The following LAMA4 variants were observed in gnomAD, a reference collection of about 807,000 sequenced individuals.
LAMA4 encodes the protein laminin subunit alpha 4, also known as laminin subunit alpha-4.
LAMA4 carries 127 observed loss-of-function variants against 207.1 expected under a neutral mutation model. The ratio of observed to expected loss-of-function variants is 0.61; its 90% CI spans 0.53 to 0.71. LAMA4 has a LOEUF of 0.71. Among genes scored for constraint, LAMA4 ranks in the 30% least tolerant of loss-of-function variants. The probability of loss-of-function intolerance (pLI) is 0.00; values close to 1 mark genes in which losing one functional copy is unlikely to be tolerated. For synonymous variants in LAMA4, 761 were observed against 816.0 expected (o/e 0.93, Z 1.15); for missense variants, 2,093 against 2,246.5 (o/e 0.93, Z 1.38).
rs578059540 is a variant in LAMA4 at position 112,235,774 on chromosome 6, A to G, written c.195+18182T>C. 7.2e-5 allele frequency among the ~76,000 whole-genome samples: 11 copies of G among 152,318 alleles called. No homozygotes were observed. In the South Asian group the frequency reaches 2.3e-3, roughly 32 times the overall value. Reference sequence around the variant, plus strand: ...GCCGGAAATTCTGAAATTTTAATGCACTTGAATGCTTACTTTCTAAGTATA... The same window carrying G: ...GCCGGAAATTCTGAAATTTTAATGCGCTTGAATGCTTACTTTCTAAGTATA... On this transcript the variant is annotated intron_variant, in intron 2 of 38. Transcript: ENST00000230538.
intron 16 of LAMA4, among the ~76,000 whole-genome samples, chr6:112,150,937 G>T (rs1780363388): frequency 6.6e-6 from 1 of 151,826 alleles, no homozygotes; most frequent in Admixed American, 6.6e-5. Context: ...GAGCTGAAAA[G>T]AAAAAAATCT....
rs781924741 is a variant in LAMA4 at position 112,141,418 on chromosome 6, G to A, written c.2753C>T (p.Pro918Leu). 6.2e-7 allele frequency: 1 copy of A among 1,613,534 alleles called. No individual in the cohort carries two copies. Among genetic ancestry groups the A allele is most frequent in the Non-Finnish European group, 8.5e-7 (1 of 1,179,596 alleles). The change falls in exon 21 of 39, where the codon CCC (proline) becomes CTC (leucine). Residue 918 changes from proline to leucine, a missense_variant. Physicochemically the swap from Pro to Leu is moderately conservative, Grantham distance 98. Coordinates refer to ENST00000230538, the MANE Select transcript of LAMA4 (RefSeq NM_001105206.3). The stretch of plus-strand genomic sequence containing the variant: ...GGAACTGACGGGCTTGGAGTCCAGG[G>A]GAATCTCCACATCTTTAGTTCCCAA... ...YNLGTKDVEI[P>L]LDSKPVSSWP... is the part of the protein sequence containing the mutation.
rs35042032 is a variant in LAMA4, at chr6:112,129,036, A to G, written c.4173T>C (p.Tyr1391=). 5,685 of 1,612,932 alleles carry G rather than the reference A, an allele frequency of 3.5e-3. 138 individuals are homozygous for G. The African/African-American group carries it at 0.06, about 17-fold the overall frequency. The change falls in exon 31 of 39, where the codon TAT becomes TAC. Residue 1391 remains tyrosine, a synonymous_variant. Transcript: ENST00000230538. ...RDVEVEDFQR[Y]TEKVHTSLYE... is the part of the protein sequence containing the mutation. ...AAAGAGAAGTGTGGACCTTTTCAGTATACCGTTGGAAATCTTCAACCTCCA... is the reference window on the plus strand; with the variant it reads ...AAAGAGAAGTGTGGACCTTTTCAGTGTACCGTTGGAAATCTTCAACCTCCA...
chr6:112,253,937 A>AATGGCAGG lies in LAMA4; in HGVS notation c.195+11_195+18dup. On this transcript the variant is annotated intron_variant, in intron 2 of 38. Coordinates refer to ENST00000230538, the MANE Select transcript of LAMA4 (RefSeq NM_001105206.3). ...GGCGCAGGTGCCCCAGCAGGGTGGC[A>AATGGCAGG]ATGGCAGGGACACTGTACCTCGGCC... is the stretch of plus-strand genomic sequence containing the variant. 1.2e-6 allele frequency: 2 copies of AATGGCAGG among 1,607,234 alleles called. No individual in the cohort carries two copies. Among genetic ancestry groups the AATGGCAGG allele is most frequent in the Non-Finnish European group, 1.7e-6 (2 of 1,176,312 alleles).
chr6:112,249,220 G>T (rs1787237798), intron 2 of LAMA4, among the ~76,000 whole-genome samples: 1 of 152,022 alleles, frequency 6.6e-6, no homozygotes, highest in African/African-American at 2.4e-5. Context: ...CGAGGCGGGT[G>T]GATCATAAGG....
chr6:112,191,154 G>A (rs112004601), intron 6 of LAMA4, among the ~76,000 whole-genome samples: 4,732 of 151,742 alleles, frequency 0.031, 238 homozygotes, highest in African/African-American at 0.11. Context: ...GCTAATTTTT[G>A]TATTTTTAGT....
chr6:112,226,890 A>G (rs1554362694), intron 2 of LAMA4, among the ~76,000 whole-genome samples: 2 of 152,184 alleles, frequency 1.3e-5, no homozygotes, highest in East Asian at 1.9e-4. Context: ...ATTTTAAAAC[A>G]TGCAAAATAA....
rs782106708 is a variant in LAMA4, at chr6:112,172,797, G to A, written c.1365C>T (p.Ser455=). The change falls in exon 12 of 39, where the codon AGC becomes AGT. Residue 455 remains serine, a synonymous_variant. Coordinates refer to ENST00000230538, the MANE Select transcript of LAMA4 (RefSeq NM_001105206.3). ...EEADEAYELL[S]QAESWQRLHN... ...GCAGCCGCTGCCAGCTCTCAGCCTG[G>A]CTCAGTACTGGGAAGAAATGGAGAT... is the stretch of plus-strand genomic sequence containing the variant. 2.5e-6 allele frequency: 4 copies of A among 1,613,368 alleles called. No homozygotes were observed. Among genetic ancestry groups the A allele is most frequent in the Non-Finnish European group, 3.4e-6 (4 of 1,179,536 alleles).
intron 12 of LAMA4, 108 bp from the exon 13 acceptor site, chr6:112,165,384 G>C: frequency 2.5e-6 from 2 of 785,736 alleles, no homozygotes; most frequent in Non-Finnish European, 4.6e-6. Context: ...ACAAATCTGG[G>C]TTCATATCCC....
chr6:112,142,171 G>C lies in LAMA4; in HGVS notation c.2615C>G (p.Pro872Arg). ...CTGATCTGCAGTCTCGGTCAGTTCCGGCCGCTTCACAGGGGGTTTCATGTA... is the reference window on the plus strand; with the variant it reads ...CTGATCTGCAGTCTCGGTCAGTTCCCGCCGCTTCACAGGGGGTTTCATGTA... ...SLYMKPPVKR[P>R]ELTETADQFI... The change falls in exon 20 of 39, where the codon CCG (proline) becomes CGG (arginine). Residue 872 changes from proline (P) to arginine (R), a missense_variant. Transcript: ENST00000230538. The C allele has an allele frequency of 1.2e-6, 2 of 1,614,024 alleles. No homozygotes were observed. The highest frequency in any genetic ancestry group is 1.7e-6 in the Non-Finnish European group (2 of 1,179,990).
At chr6:112,231,209 G>A (rs1785541570) in intron 2 of LAMA4, among the ~76,000 whole-genome samples, 1 of 152,010 alleles carries the variant, frequency 6.6e-6, no homozygotes, top group Non-Finnish European at 1.5e-5. Flanking sequence ...TTTTTCTCAG[G>A]AAAGTGCCAT....
At chr6:112,203,448 T>C (rs1783875611) in intron 4 of LAMA4, among the ~76,000 whole-genome samples, 1 of 152,228 alleles carries the variant, frequency 6.6e-6, no homozygotes, top group Non-Finnish European at 1.5e-5. Context: ...TTTCATTTTA[T>C]AGAAAGTAGC....
At chr6:112,193,943 T>C (rs1783266062) in intron 5 of LAMA4, among the ~76,000 whole-genome samples, 3 of 152,072 alleles carry the variant, frequency 2.0e-5, no homozygotes, top group African/African-American at 7.2e-5. Flanking sequence ...AGGAAATAAA[T>C]TAACCATAAT....
chr6:112,239,081 G>A (rs13211831), intron 2 of LAMA4, among the ~76,000 whole-genome samples: 4,080 of 152,206 alleles, frequency 0.027, 92 homozygotes, highest in Middle Eastern at 0.095. Context: ...AGCATTTTGG[G>A]AGATCGAGGC....
In LAMA4 at chr6:112,172,757, T is replaced by C; in HGVS notation, c.1405A>G (p.Thr469Ala). ...SWQRLHNETR[T>A]LFPVVLEQLD... ...TGCTCCAGGACGACAGGAAACAGAG[T>C]GCGGGTCTCATTGTGCAGCCGCTGC... Residue 469 changes from threonine (T) to alanine (A), a missense_variant, in exon 12 of 39, where the codon ACT (threonine) becomes GCT (alanine). By Grantham distance (58) the Thr-to-Ala change is moderately conservative (BLOSUM62 0). This residue lies in a region of LAMA4 where 1,704 missense variants were observed against 1,788.4 expected (regional missense o/e 0.95). Transcript: ENST00000230538. The C allele has an allele frequency of 6.2e-7, 1 of 1,614,050 alleles. No homozygotes were observed. Among genetic ancestry groups the C allele is most frequent in the Non-Finnish European group, 8.5e-7 (1 of 1,179,982 alleles).
chr6:112,111,194 C>A (rs1287341727), intron 38 of LAMA4, among the ~76,000 whole-genome samples: 1 of 152,120 alleles, frequency 6.6e-6, no homozygotes, highest in African/African-American at 2.4e-5. Context: ...CAGGCACTCA[C>A]CACCACACTC....
chr6:112,237,080 TC>T (rs1785983855), intron 2 of LAMA4, among the ~76,000 whole-genome samples: 1 of 152,178 alleles, frequency 6.6e-6, no homozygotes, highest in African/African-American at 2.4e-5. Context: ...TCTCCGAAGC[TC>T]CTTTGTTGTT....
chr6:112,110,274 T>C (rs186993359), intron 38 of LAMA4, among the ~76,000 whole-genome samples: 18 of 152,198 alleles, frequency 1.2e-4, no homozygotes, highest in Admixed American at 2.0e-4. Flanking sequence ...GTTAGGATGA[T>C]AGAAGCAATA....
chr6:112,153,801 A>G (rs1170115420), intron 16 of LAMA4, among the ~76,000 whole-genome samples: 2 of 152,146 alleles, frequency 1.3e-5, no homozygotes, highest in Non-Finnish European at 2.9e-5. Flanking sequence ...AATTAATTAG[A>G]CATATAATAA....
Sources: gnomAD v4.1 joint callset for allele counts (sites outside exome capture counted in the v4.1 genomes callset) on GRCh38, gnomAD v4.1.1 for gene constraint, gnomAD v4.1.1 regional missense constraint, MANE v1.5 for transcripts, NCBI Gene and HGNC (gene_info 2026-07-23, HGNC 2026-07-21) for gene names.